Variants in ENOX1 observed in about 807,000 individuals in gnomAD.
ENOX1 encodes the protein ecto-NOX disulfide-thiol exchanger 1, also known as candidate growth-related and time keeping constitutive hydroquinone (NADH) oxidase.
A neutral mutation model predicts 82.5 loss-of-function variants in ENOX1; 42 were observed. The ratio of observed to expected loss-of-function variants is 0.51; its 90% CI spans 0.40 to 0.66. The LOEUF (loss-of-function observed/expected upper bound fraction) is 0.66. ENOX1 is among the 30% of genes least tolerant of loss of function. The probability of loss-of-function intolerance (pLI) is 0.00; values close to 1 mark genes in which losing one functional copy is unlikely to be tolerated. For missense variants in ENOX1, 608 were observed against 811.6 expected (o/e 0.75, Z 3.05); for synonymous variants, 271 against 282.2 (o/e 0.96, Z 0.40).
intron 11 of ENOX1, among the ~76,000 whole-genome samples, chr13:43,317,569 C>T (rs2047574607): frequency 6.6e-6 from 1 of 151,178 alleles, no homozygotes; most frequent in African/African-American, 2.4e-5. Context: ...TTTTTTTTAA[C>T]ATAAATCTTC....
intron 11 of ENOX1, among the ~76,000 whole-genome samples, chr13:43,310,415 T>A (rs1185947594): frequency 3.3e-5 from 5 of 152,036 alleles, no homozygotes; most frequent in South Asian, 2.1e-4. Flanking sequence ...TTTTTAAAAA[T>A]GACTTCCTTC....
intron 5 of ENOX1, among the ~76,000 whole-genome samples, chr13:43,374,221 TCTTA>T (rs1373097558): frequency 6.7e-6 from 1 of 149,320 alleles, no homozygotes; most frequent in East Asian, 2.0e-4. Flanking sequence ...CTTCCTTCCT[TCTTA>T]ATCTTTCTTT....
intron 16 of ENOX1, among the ~76,000 whole-genome samples, chr13:43,222,862 G>T (rs1237202708): frequency 6.6e-6 from 1 of 152,106 alleles, no homozygotes; most frequent in African/African-American, 2.4e-5. Context: ...TCTTACCTGT[G>T]CATGTGAGGG....
intron 1 of ENOX1, among the ~76,000 whole-genome samples, chr13:43,748,857 A>G (rs1950163218): frequency 6.6e-6 from 1 of 152,196 alleles, no homozygotes; most frequent in Admixed American, 6.5e-5. Context: ...TATAATTAAA[A>G]GATAAGAGAG....
chr13:43,651,929 C>T (rs957297715), intron 2 of ENOX1, among the ~76,000 whole-genome samples: 4 of 133,660 alleles, frequency 3.0e-5, no homozygotes, highest in Non-Finnish European at 6.1e-5. Context: ...GAGATGAGAT[C>T]GTGCCATCGC....
chr13:43,560,607 C>A (rs977735660), intron 2 of ENOX1, among the ~76,000 whole-genome samples: 11 of 152,114 alleles, frequency 7.2e-5, no homozygotes, highest in African/African-American at 2.7e-4. Context: ...TCCCTTGTTT[C>A]ACAGAGAAAT....
chr13:43,740,822 C>T (rs980714240), intron 1 of ENOX1, among the ~76,000 whole-genome samples: 1 of 152,178 alleles, frequency 6.6e-6, no homozygotes, highest in Non-Finnish European at 1.5e-5. Flanking sequence ...GCCAGTACTT[C>T]ATTTCTTTTT....
chr13:43,618,239 C>T (rs1299875595), intron 2 of ENOX1, among the ~76,000 whole-genome samples: 2 of 152,084 alleles, frequency 1.3e-5, no homozygotes, highest in African/African-American at 2.4e-5. Context: ...TGCAAAAGCT[C>T]TTCAGTTTAA....
chr13:43,589,033 G>A (rs748968710), intron 2 of ENOX1, among the ~76,000 whole-genome samples: 6 of 151,796 alleles, frequency 4.0e-5, no homozygotes, highest in Non-Finnish European at 7.4e-5. Flanking sequence ...TAAAACATTT[G>A]CATGATGGAT....
At chr13:43,641,825 G>A (rs1289908719) in intron 2 of ENOX1, among the ~76,000 whole-genome samples, 1 of 152,010 alleles carries the variant, frequency 6.6e-6, no homozygotes. Flanking sequence ...GAGCCACCAA[G>A]CTGGGCCACT....
rs1207323212 is a variant in ENOX1, at chr13:43,616,193, T to G, written c.-219+51286A>C. ...ATCTATCTATCTATCTATCTATATATATATATATATATTTTTTTTTTTTTT... is the reference window on the plus strand; with the variant it reads ...ATCTATCTATCTATCTATCTATATAGATATATATATATTTTTTTTTTTTTT... On this transcript the variant is annotated intron_variant, in intron 2 of 16. Transcript: ENST00000690772. Among the ~76,000 whole-genome samples the G allele has an allele frequency of 3.6e-4, 8 of 22,520 alleles. 1 individual carries two copies. The highest frequency in any genetic ancestry group is 3.3e-3 in the East Asian group (1 of 304). 14.8% of individuals were successfully genotyped at this position (22,520 alleles called of 152,430 possible).
chr13:43,565,224 A>G (rs1294253855), intron 2 of ENOX1, among the ~76,000 whole-genome samples: 1 of 152,182 alleles, frequency 6.6e-6, no homozygotes, highest in African/African-American at 2.4e-5. Context: ...TCCCTGGCAG[A>G]GGGAACAGCA....
chr13:43,662,070 G>A (rs2153786132), intron 2 of ENOX1, among the ~76,000 whole-genome samples: 1 of 152,076 alleles, frequency 6.6e-6, no homozygotes, highest in Non-Finnish European at 1.5e-5. Flanking sequence ...TATCGACTTT[G>A]GGGCCAACTC....
chr13:43,721,812 TC>T (rs1383930982), intron 1 of ENOX1, among the ~76,000 whole-genome samples: 3 of 152,190 alleles, frequency 2.0e-5, no homozygotes, highest in Admixed American at 2.0e-4. Context: ...GCACAGGGAC[TC>T]TGCTTCATGC....
chr13:43,617,161 T>G (rs1353507061), intron 2 of ENOX1, among the ~76,000 whole-genome samples: 1 of 152,226 alleles, frequency 6.6e-6, no homozygotes, highest in African/African-American at 2.4e-5. Context: ...TAGCTGTGCC[T>G]CATCATGAGC....
At chr13:43,623,398 G>A (rs943941531) in intron 2 of ENOX1, among the ~76,000 whole-genome samples, 6 of 152,064 alleles carry the variant, frequency 3.9e-5, no homozygotes, top group African/African-American at 1.2e-4. Flanking sequence ...GCCTGCTAGG[G>A]GACCCAGTGA....
At chr13:43,442,747 T>C (rs1346633936) in intron 3 of ENOX1, among the ~76,000 whole-genome samples, 2 of 152,222 alleles carry the variant, frequency 1.3e-5, no homozygotes, top group Admixed American at 6.5e-5. Context: ...CCCTCAGTTC[T>C]TCTTGCAAAT....
chr13:43,452,099 AG>A (rs57455173), intron 3 of ENOX1, among the ~76,000 whole-genome samples: 5,368 of 152,252 alleles, frequency 0.035, 333 homozygotes, highest in African/African-American at 0.12. Context: ...TCACCACAGC[AG>A]GGCTTACAGA....
intron 12 of ENOX1, among the ~76,000 whole-genome samples, chr13:43,283,221 T>C (rs2045501953): frequency 6.6e-6 from 1 of 152,172 alleles, no homozygotes; most frequent in Non-Finnish European, 1.5e-5. Flanking sequence ...CTATTCCTAA[T>C]ATTCTTATAT....
Sources: gnomAD v4.1 joint callset for allele counts (sites outside exome capture counted in the v4.1 genomes callset) on GRCh38, gnomAD v4.1.1 for gene constraint, MANE v1.5 for transcripts, NCBI Gene and HGNC (gene_info 2026-07-23, HGNC 2026-07-21) for gene names.